The following TRPC4 variants were observed in gnomAD, a reference collection of about 807,000 sequenced individuals.
The protein encoded by TRPC4 is short transient receptor potential channel 4.
TRPC4 carries 49 observed loss-of-function variants against 99.4 expected under a neutral mutation model. That is an observed-to-expected ratio of 0.49 (90% CI 0.39 to 0.63). TRPC4 has a LOEUF of 0.63. Ranked by LOEUF, TRPC4 falls within the 20% of genes least tolerant of loss-of-function variation. TRPC4 has a pLI of 0.00. For synonymous variants in TRPC4, 454 were observed against 425.9 expected (o/e 1.07, Z -0.81); for missense variants, 898 against 1,152.9 (o/e 0.78, Z 3.20).
intron 2 of TRPC4, among the ~76,000 whole-genome samples, chr13:37,774,944 T>C (rs966636300): frequency 3.0e-5 from 4 of 133,938 alleles, no homozygotes; most frequent in African/African-American, 1.1e-4. Flanking sequence ...CTATTATTCC[T>C]AAATGATTAA....
intron 4 of TRPC4, among the ~76,000 whole-genome samples, chr13:37,689,228 A>G (rs942060328): frequency 6.6e-6 from 1 of 152,146 alleles, no homozygotes; most frequent in Non-Finnish European, 1.5e-5. Context: ...AGACACTGAA[A>G]ATCCTGAGAG....
intron 3 of TRPC4, among the ~76,000 whole-genome samples, chr13:37,711,997 C>T (rs928856888): frequency 1.4e-4 from 21 of 151,802 alleles, no homozygotes; most frequent in African/African-American, 4.6e-4. Context: ...TTTGAAATCT[C>T]GTGTGCATTT....
At chr13:37,717,740 TG>T (rs1215138035) in intron 3 of TRPC4, among the ~76,000 whole-genome samples, 1 of 152,140 alleles carries the variant, frequency 6.6e-6, no homozygotes, top group East Asian at 1.9e-4. Flanking sequence ...TCTAGAGTTG[TG>T]AGAAAATAAA....
At chr13:37,716,711 T>C (rs1954679883) in intron 3 of TRPC4, among the ~76,000 whole-genome samples, 1 of 152,108 alleles carries the variant, frequency 6.6e-6, no homozygotes, top group Non-Finnish European at 1.5e-5. Flanking sequence ...GATAAACAGA[T>C]CTTAAAAAAA....
chr13:37,759,065 T>C (rs1452626057), intron 2 of TRPC4, among the ~76,000 whole-genome samples: 1 of 151,852 alleles, frequency 6.6e-6, no homozygotes, highest in East Asian at 1.9e-4. Context: ...ATTGAGACTA[T>C]AATTCAAGAA....
intron 8 of TRPC4, among the ~76,000 whole-genome samples, chr13:37,651,034 G>A (rs748886940): frequency 2.0e-5 from 3 of 152,100 alleles, no homozygotes; most frequent in Admixed American, 6.6e-5. Context: ...TGTGAAGAGC[G>A]GGACTTCTAT....
intron 1 of TRPC4, among the ~76,000 whole-genome samples, chr13:37,854,194 A>G (rs1324838228): frequency 3.9e-5 from 6 of 152,182 alleles, no homozygotes; most frequent in African/African-American, 1.4e-4. Context: ...AAAGAAACAA[A>G]TAACATACAT....
intron 2 of TRPC4, among the ~76,000 whole-genome samples, chr13:37,772,419 T>C (rs1244705151): frequency 6.6e-6 from 1 of 151,724 alleles, no homozygotes; most frequent in Admixed American, 6.6e-5. Flanking sequence ...ATTGCAATTT[T>C]ACTATAAATC....
chr13:37,809,784 T>C (rs921470327), intron 1 of TRPC4, among the ~76,000 whole-genome samples: 2 of 152,066 alleles, frequency 1.3e-5, no homozygotes, highest in African/African-American at 4.8e-5. Context: ...GAATCTGGAA[T>C]GAAAATGAGA....
intron 1 of TRPC4, among the ~76,000 whole-genome samples, chr13:37,795,746 C>T (rs545642464): frequency 6.6e-6 from 1 of 152,250 alleles, no homozygotes; most frequent in Non-Finnish European, 1.5e-5. Flanking sequence ...TGTACCTTTT[C>T]AAAATTTTTG....
chr13:37,682,710 C>A (rs1953291493), intron 4 of TRPC4, among the ~76,000 whole-genome samples: 1 of 152,046 alleles, frequency 6.6e-6, no homozygotes, highest in Non-Finnish European at 1.5e-5. Context: ...AGCGAGAGAG[C>A]CATGAGGTCA....
intron 3 of TRPC4, among the ~76,000 whole-genome samples, chr13:37,704,489 C>T (rs1435622523): frequency 6.6e-6 from 1 of 152,022 alleles, no homozygotes; most frequent in Non-Finnish European, 1.5e-5. Flanking sequence ...GAGTTTGAGA[C>T]CAGCCTGGCC....
intron 3 of TRPC4, among the ~76,000 whole-genome samples, chr13:37,745,293 G>A (rs1310604842): frequency 6.6e-6 from 1 of 151,356 alleles, no homozygotes; most frequent in Non-Finnish European, 1.5e-5. Flanking sequence ...GGCCCTACGG[G>A]ACCCATGGAT....
At chr13:37,647,726 AAGTG>A (rs959238277) in intron 8 of TRPC4, among the ~76,000 whole-genome samples, 1 of 152,236 alleles carries the variant, frequency 6.6e-6, no homozygotes, top group Admixed American at 6.5e-5. Flanking sequence ...TAGTTTCACA[AAGTG>A]AGTGTCACTG....
intron 1 of TRPC4, among the ~76,000 whole-genome samples, chr13:37,847,534 G>C (rs1958937786): frequency 6.6e-6 from 1 of 152,078 alleles, no homozygotes; most frequent in Non-Finnish European, 1.5e-5. Flanking sequence ...ATGGAATGGA[G>C]CAAAGGCAGT....
chr13:37,847,511 A>T (rs892060358), intron 1 of TRPC4, among the ~76,000 whole-genome samples: 13 of 152,120 alleles, frequency 8.5e-5, no homozygotes, highest in African/African-American at 3.1e-4. Flanking sequence ...TGGAAACACA[A>T]CATGCTAAAC....
intron 4 of TRPC4, among the ~76,000 whole-genome samples, chr13:37,684,982 T>C (rs994661449): frequency 6.6e-6 from 1 of 152,184 alleles, no homozygotes; most frequent in Admixed American, 6.5e-5. Flanking sequence ...TTGCTTCTTT[T>C]AGTGCTAGAA....
intron 2 of TRPC4, among the ~76,000 whole-genome samples, chr13:37,774,990 A>T (rs1226299005): frequency 6.6e-6 from 1 of 151,592 alleles, no homozygotes; most frequent in Non-Finnish European, 1.5e-5. Flanking sequence ...TTCAATTAAT[A>T]TACTGCTCAC....
chr13:37,743,160 C>T (rs1434918266), intron 3 of TRPC4, among the ~76,000 whole-genome samples: 1 of 152,062 alleles, frequency 6.6e-6, no homozygotes, highest in Non-Finnish European at 1.5e-5. Flanking sequence ...AGTTTGAGAT[C>T]AGCCTGGGCA....
Sources: allele counts gnomAD v4.1 joint callset (sites outside exome capture counted in the v4.1 genomes callset), GRCh38; gene constraint gnomAD v4.1.1; transcripts MANE v1.5; gene names NCBI Gene and HGNC (gene_info 2026-07-23, HGNC 2026-07-21).